Variants in TMEM98 observed in about 807,000 individuals in gnomAD.
The protein encoded by TMEM98 is transmembrane protein 98.
In TMEM98, 18 loss-of-function variants were observed where a neutral mutation model predicts 25.0. The observed-to-expected ratio is 0.72, with a 90% CI of 0.50 to 1.07. The LOEUF (loss-of-function observed/expected upper bound fraction) is 1.07. Among genes scored for constraint, TMEM98 ranks in the 50% least tolerant of loss-of-function variants. The pLI is 0.00. For synonymous variants in TMEM98, 103 were observed against 112.4 expected (o/e 0.92, Z 0.53); for missense variants, 241 against 289.0 (o/e 0.83, Z 1.20).
intron 4 of TMEM98, 120 bp from the exon 5 acceptor site, chr17:32,934,171 T>G (rs1232299214): frequency 9.3e-7 from 1 of 1,071,358 alleles, no homozygotes; most frequent in African/African-American, 1.6e-5. Flanking sequence ...GCATTCCCAC[T>G]CTCAGTGGTT....
intron 6 of TMEM98, among the ~76,000 whole-genome samples, chr17:32,937,821 C>T (rs2091505090): frequency 6.6e-6 from 1 of 152,068 alleles, no homozygotes; most frequent in South Asian, 2.1e-4. Context: ...AAACTCCTGA[C>T]CTCAGGTGAT....
At position 32,941,347 on chromosome 17, in the gene TMEM98, G is replaced by A. The variant is rs2091530096; in HGVS notation, c.*354G>A. ...GTTTCACATTAAAATTAGAATTTCT[G>A]GCCTCTCTCGATCGGTCAGAATGTG... On this transcript the variant is annotated 3_prime_UTR_variant, in exon 8 of 8. Transcript: ENST00000579849. 1.1e-5 allele frequency: 2 copies of A among 177,960 alleles called. No individual in the cohort carries two copies. Among genetic ancestry groups the A allele is most frequent in the African/African-American group, 4.7e-5 (2 of 42,162 alleles). 11.0% of individuals were successfully genotyped at this position (177,960 alleles called of 1,614,324 possible). A position where few individuals can be genotyped will look rare whatever the true frequency, so the allele number is the denominator to read the frequency against.
intron 6 of TMEM98, among the ~76,000 whole-genome samples, chr17:32,938,950 T>C (rs1184487142): frequency 6.6e-6 from 1 of 152,186 alleles, no homozygotes; most frequent in Non-Finnish European, 1.5e-5. Flanking sequence ...TAAAAAACCA[T>C]TGGAACTGAA....
At chr17:32,932,674 T>A (rs1005347299) in intron 3 of TMEM98, among the ~76,000 whole-genome samples, 5 of 152,194 alleles carry the variant, frequency 3.3e-5, no homozygotes, top group African/African-American at 1.2e-4. Flanking sequence ...GAGGTGTTTT[T>A]ACTTCTTTCA....
intron 4 of TMEM98, 93 bp from the exon 5 acceptor site, chr17:32,934,198 C>T: frequency 1.4e-6 from 2 of 1,453,868 alleles, no homozygotes. Flanking sequence ...GGGCTGTGCC[C>T]ACCGGTCAGG....
chr17:32,938,127 G>A (rs1384215859), intron 6 of TMEM98, among the ~76,000 whole-genome samples: 1 of 152,216 alleles, frequency 6.6e-6, no homozygotes, highest in Non-Finnish European at 1.5e-5. Flanking sequence ...GGTGCTCACA[G>A]GCCCATCCTA....
rs377212280 is a variant in TMEM98, at chr17:32,930,102, C to T, written c.-130-1225C>T. Among the ~76,000 whole-genome samples, 4 of 151,896 alleles carry T rather than the reference C, an allele frequency of 2.6e-5. 1 individual carries two copies. The highest frequency in any genetic ancestry group is 6.8e-3 in the Middle Eastern group (2 of 294). On this transcript the variant is annotated intron_variant, in intron 1 of 7. Transcript: ENST00000579849. The stretch of plus-strand genomic sequence containing the variant: ...AGTGCAAATAGAGGAAAAGCACCCT[C>T]CTGGTATTCTAAGGACTCCTAAGTC...
chr17:32,934,335 CTT>C lies in TMEM98; in HGVS notation c.297+12_297+13del. The C allele has an allele frequency of 6.2e-7, 1 of 1,614,068 alleles. No homozygotes were observed. Among genetic ancestry groups the C allele is most frequent in the Non-Finnish European group, 8.5e-7 (1 of 1,179,974 alleles). ...ATTGCCATCTTGAAGGTAACCCTCTCTTATTTCTCTGTGGGATAAAGGGTAGT... is the reference window on the plus strand; with the variant it reads ...ATTGCCATCTTGAAGGTAACCCTCTCATTTCTCTGTGGGATAAAGGGTAGT... On this transcript the variant is annotated intron_variant, in intron 5 of 7. Transcript: ENST00000579849.
rs2091492899 is a variant in TMEM98 at position 32,935,772 on chromosome 17, C to G, written c.298-560C>G. Among the ~76,000 whole-genome samples, 4 of 152,160 alleles carry G rather than the reference C, an allele frequency of 2.6e-5. No individual in the cohort carries two copies. The South Asian group carries it at 8.3e-4, about 32-fold the overall frequency. The stretch of plus-strand genomic sequence containing the variant: ...GGGGTGGCCAGCTCTGTGGGTGGGA[C>G]CACGAAGAAGGCTGTAGTCAGTCTT... On this transcript the variant is annotated intron_variant, in intron 5 of 7. Coordinates refer to ENST00000579849, the MANE Select transcript of TMEM98 (RefSeq NM_015544.3).
Position 32,942,776 on chromosome 17 carries a change from A to G in TMEM98, c.*1783A>G, listed in dbSNP as rs976784271. On this transcript the variant is annotated 3_prime_UTR_variant, in exon 8 of 8. Transcript: ENST00000579849. ...CTGTCAAGCTGTGAATGGGGAATGT[A>G]TACAAAGTCACTTTGACTTTTCTAT... is the stretch of plus-strand genomic sequence containing the variant. The G allele has an allele frequency of 6.6e-6, 1 of 152,232 alleles. No homozygotes were observed. Among genetic ancestry groups the G allele is most frequent in the Admixed American group, 6.5e-5 (1 of 15,292 alleles). The allele number at this position is 152,232 out of a possible 1,614,324, so 9.4% of individuals were successfully genotyped here.
rs1944562882 is a variant in TMEM98, at chr17:32,942,728, G to A, written c.*1735G>A. 1 of 152,190 alleles carries A rather than the reference G, an allele frequency of 6.6e-6. No homozygotes were observed. The highest frequency in any genetic ancestry group is 6.5e-5 in the Admixed American group (1 of 15,278). 9.4% of individuals were successfully genotyped at this position (152,190 alleles called of 1,614,324 possible). A position where few individuals can be genotyped will look rare whatever the true frequency, so the allele number is the denominator to read the frequency against. ...GTGGCTTCCATCAACTCTTAAAAAC[G>A]TTAAGTGGTGAACTTTCCCGTCCTG... is the stretch of plus-strand genomic sequence containing the variant. On this transcript the variant is annotated 3_prime_UTR_variant, in exon 8 of 8. Coordinates refer to ENST00000579849, the MANE Select transcript of TMEM98 (RefSeq NM_015544.3).
intron 6 of TMEM98, among the ~76,000 whole-genome samples, chr17:32,939,131 C>T (rs1740589044): frequency 6.6e-6 from 1 of 152,206 alleles, no homozygotes; most frequent in Admixed American, 6.5e-5. Context: ...AGGGGCCAGG[C>T]GTGTGGCTCA....
At position 32,931,617 on chromosome 17, in the gene TMEM98, G is replaced by A. The variant is rs1263849829; in HGVS notation, c.89G>A (p.Arg30His). ...GCCTTGGTGCTGGTTTGCAGGCAGC[G>A]CTACTGCCGGCCGCGAGACCTGCTG... ...FAALVLVCRQ[R>H]YCRPRDLLQR... Residue 30 changes from arginine to histidine, a missense_variant, in exon 3 of 8, where the codon CGC (arginine) becomes CAC (histidine). Transcript: ENST00000579849. 4 of 1,603,872 alleles carry A rather than the reference G, an allele frequency of 2.5e-6. No individual in the cohort carries two copies. The highest frequency in any genetic ancestry group is 2.6e-6 in the Non-Finnish European group (3 of 1,175,702).
rs1473323308 is a variant in TMEM98 at position 32,943,981 on chromosome 17, T to G, written c.*2988T>G. On this transcript the variant is annotated 3_prime_UTR_variant, in exon 8 of 8. Coordinates refer to ENST00000579849, the MANE Select transcript of TMEM98 (RefSeq NM_015544.3). ...CTGCCCCACTACAAGTCTGTTCATATGAAGACATACAAAGCCGTCGCCTCT... is the reference window on the plus strand; with the variant it reads ...CTGCCCCACTACAAGTCTGTTCATAGGAAGACATACAAAGCCGTCGCCTCT... The G allele has an allele frequency of 6.6e-6, 1 of 152,244 alleles. No homozygotes were observed. The highest frequency in any genetic ancestry group is 6.5e-5 in the Admixed American group (1 of 15,288). 9.4% of individuals were successfully genotyped at this position (152,244 alleles called of 1,614,324 possible). A position where few individuals can be genotyped will look rare whatever the true frequency, so the allele number is the denominator to read the frequency against.
chr17:32,940,108 A>G (rs2091520651), intron 7 of TMEM98, among the ~76,000 whole-genome samples: 1 of 152,264 alleles, frequency 6.6e-6, no homozygotes, highest in South Asian at 2.1e-4. Context: ...AACAGTTGCC[A>G]GATCGGCAGT....
chr17:32,939,766 A>G (rs1380149480), intron 7 of TMEM98, among the ~76,000 whole-genome samples: 1 of 152,138 alleles, frequency 6.6e-6, no homozygotes, highest in African/African-American at 2.4e-5. Context: ...TTAGATTTTA[A>G]ATTGTTATGA....
rs115063178 is a variant in TMEM98, at chr17:32,932,594, C to T, written c.132-580C>T. On this transcript the variant is annotated intron_variant, in intron 3 of 7. Coordinates refer to ENST00000579849, the MANE Select transcript of TMEM98 (RefSeq NM_015544.3). ...ATTTATAAATGCCCATTTATATGAC[C>T]CAGGAAAGCTCTTCTACTGAACAGA... is the stretch of plus-strand genomic sequence containing the variant. Among the ~76,000 whole-genome samples, 1,230 of 152,172 alleles carry T rather than the reference C, an allele frequency of 8.1e-3. 19 individuals are homozygous for T. The highest frequency in any genetic ancestry group is 0.028 in the African/African-American group (1,171 of 41,486).
In TMEM98 at chr17:32,944,126, C is replaced by G. The variant is rs1041577240; in HGVS notation, c.*3133C>G. On this transcript the variant is annotated 3_prime_UTR_variant, in exon 8 of 8. Transcript: ENST00000579849. ...CATCCAACTTCCCCTGGTGCTCCCC[C>G]TGACCTGCCTCATTCCAGGAGTTCC... is the stretch of plus-strand genomic sequence containing the variant. 3 of 152,278 alleles carry G rather than the reference C, an allele frequency of 2.0e-5. No individual in the cohort carries two copies. The highest frequency in any genetic ancestry group is 1.9e-4 in the East Asian group (1 of 5,198). The allele number at this position is 152,278 out of a possible 1,614,324, so 9.4% of individuals were successfully genotyped here.
Position 32,931,516 on chromosome 17 carries a change from G to A in TMEM98, c.-13G>A. On this transcript the variant is annotated 5_prime_UTR_variant, in exon 3 of 8. Transcript: ENST00000579849. ...GGATGTGACCGGGACTGAGTCAGGA[G>A]CCCTCTGGAAGCATGGAGACTGTGG... 1 of 1,604,038 alleles carries A rather than the reference G, an allele frequency of 6.2e-7. No homozygotes were observed. Among genetic ancestry groups the A allele is most frequent in the African/African-American group, 1.3e-5 (1 of 74,912 alleles).
Sources: gnomAD v4.1 joint callset for allele counts (sites outside exome capture counted in the v4.1 genomes callset) on GRCh38, gnomAD v4.1.1 for gene constraint, MANE v1.5 for transcripts, NCBI Gene and HGNC (gene_info 2026-07-23, HGNC 2026-07-21) for gene names.